TMCO5A: variants seen among roughly 807,000 people sequenced by gnomAD.
The protein encoded by TMCO5A is transmembrane and coiled-coil domain-containing protein 5A.
In TMCO5A, 34 loss-of-function variants were observed where a neutral mutation model predicts 42.3. That is an observed-to-expected ratio of 0.80 (90% CI 0.61 to 1.07). TMCO5A has a LOEUF of 1.07. Among genes scored for constraint, TMCO5A ranks in the 50% least tolerant of loss-of-function variants. The probability of loss-of-function intolerance (pLI) is 0.00; values close to 1 mark genes in which losing one functional copy is unlikely to be tolerated. For missense variants in TMCO5A, 357 were observed against 327.9 expected (o/e 1.09, Z -0.69); for synonymous variants, 131 against 115.6 (o/e 1.13, Z -0.86).
At chr15:38,033,649 G>C in the TMCO5A span, among the ~76,000 whole-genome samples, 2 of 151,496 alleles carry the variant, frequency 1.3e-5, no homozygotes, top group Non-Finnish European at 2.9e-5. Flanking sequence ...TTTTTAGAGA[G>C]AGAGTCTCGC....
the TMCO5A span, among the ~76,000 whole-genome samples, chr15:37,974,714 T>C: frequency 6.6e-6 from 1 of 152,278 alleles, no homozygotes; most frequent in East Asian, 1.9e-4. Flanking sequence ...TGTGTTGACC[T>C]TTTGTATGGT....
the TMCO5A span, among the ~76,000 whole-genome samples, chr15:38,016,369 T>C: frequency 6.6e-6 from 1 of 152,156 alleles, no homozygotes; most frequent in African/African-American, 2.4e-5. Flanking sequence ...AACCTGTCAG[T>C]GTAGCCACTG....
chr15:38,040,789 T>C, the TMCO5A span: 5 of 152,170 alleles, frequency 3.3e-5, no homozygotes, highest in African/African-American at 1.2e-4. Context: ...TGCCAAGGGC[T>C]GTGGGAAGGG....
chr15:38,005,051 C>T, the TMCO5A span, among the ~76,000 whole-genome samples: 35,794 of 151,856 alleles, frequency 0.24, 9,924 homozygotes, highest in African/African-American at 0.67. Flanking sequence ...TAACAGAGTA[C>T]AGGTCTGTTT....
the TMCO5A span, among the ~76,000 whole-genome samples, chr15:37,974,099 C>T: frequency 6.6e-6 from 1 of 152,150 alleles, no homozygotes; most frequent in African/African-American, 2.4e-5. Context: ...CCTTGCATCC[C>T]AGAGATTAAT....
chr15:38,011,140 A>G, the TMCO5A span, among the ~76,000 whole-genome samples: 1 of 152,216 alleles, frequency 6.6e-6, no homozygotes, highest in African/African-American at 2.4e-5. Context: ...ACCTGGGCAC[A>G]GCTTAGTTTG....
downstream of TMCO5A, among the ~76,000 whole-genome samples, chr15:37,953,332 G>A (rs983190057): frequency 2.0e-5 from 3 of 152,174 alleles, no homozygotes; most frequent in Non-Finnish European, 4.4e-5. Flanking sequence ...AGAGGTACTT[G>A]TGTTACACCA....
the TMCO5A span, among the ~76,000 whole-genome samples, chr15:38,021,310 C>A: frequency 6.6e-6 from 1 of 152,194 alleles, no homozygotes; most frequent in Non-Finnish European, 1.5e-5. Flanking sequence ...CACTAAGTTT[C>A]CAGTTGCTTA....
intron 11 of TMCO5A, among the ~76,000 whole-genome samples, chr15:37,948,603 T>C (rs1890046825): frequency 6.6e-6 from 1 of 152,110 alleles, no homozygotes; most frequent in African/African-American, 2.4e-5. Flanking sequence ...TGGAATTGAC[T>C]GTGTGGATTT....
intron 11 of TMCO5A, among the ~76,000 whole-genome samples, chr15:37,948,158 T>C (rs1028283431): frequency 2.2e-4 from 33 of 152,014 alleles, no homozygotes; most frequent in African/African-American, 7.7e-4. Context: ...ATCCAACACA[T>C]AATGGTTGCT....
At chr15:37,960,273 A>T (rs1890390106) in intron 11 of TMCO5A, among the ~76,000 whole-genome samples, 1 of 152,108 alleles carries the variant, frequency 6.6e-6, no homozygotes, top group Non-Finnish European at 1.5e-5. Flanking sequence ...TATCAGTAAT[A>T]ACATATGATG....
chr15:38,030,087 G>T, the TMCO5A span, among the ~76,000 whole-genome samples: 1 of 152,134 alleles, frequency 6.6e-6, no homozygotes, highest in Non-Finnish European at 1.5e-5. Context: ...TCCATGGTAA[G>T]GAGTCTTTTA....
chr15:38,016,204 G>T, the TMCO5A span, among the ~76,000 whole-genome samples: 1 of 152,102 alleles, frequency 6.6e-6, no homozygotes, highest in African/African-American at 2.4e-5. Context: ...GCTCAATGTT[G>T]CTGTGAACCT....
chr15:38,037,628 AT>A, the TMCO5A span, among the ~76,000 whole-genome samples: 1 of 152,182 alleles, frequency 6.6e-6, no homozygotes. Context: ...AGAACTAGAG[AT>A]GTGGGCAATG....
chr15:37,947,772 C>A, intron 11 of TMCO5A, 76 bp downstream of exon 11: 1 of 994,812 alleles, frequency 1.0e-6, no homozygotes, highest in Non-Finnish European at 1.6e-6. Context: ...AGGGAAAAGT[C>A]TAGACAAGGA....
At chr15:38,022,740 G>A in the TMCO5A span, among the ~76,000 whole-genome samples, 1 of 152,070 alleles carries the variant, frequency 6.6e-6, no homozygotes, top group Admixed American at 6.6e-5. Flanking sequence ...AATGGGGGAG[G>A]TTATGCATAT....
rs1233954085 is a variant in TMCO5A, at chr15:37,947,700, A to G, written c.668+4A>G. 1 of 1,588,842 alleles carries G rather than the reference A, an allele frequency of 6.3e-7. No homozygotes were observed. Among genetic ancestry groups the G allele is most frequent in the Non-Finnish European group, 8.6e-7 (1 of 1,161,300 alleles). On this transcript the variant is annotated splice_donor_region_variant and intron_variant, in intron 11 of 11. Coordinates refer to ENST00000319669, the MANE Select transcript of TMCO5A (RefSeq NM_152453.4). ...CAGCAAGATTATTCAGTAAAAAGTA[A>G]GTAAAATATCTTCAGGTAAACTTCC...
chr15:37,946,682 G>A (rs1406501124), intron 10 of TMCO5A, among the ~76,000 whole-genome samples: 1 of 152,088 alleles, frequency 6.6e-6, no homozygotes, highest in Non-Finnish European at 1.5e-5. Flanking sequence ...TGGTGTATAG[G>A]AATGCTGTGA....
chr15:37,999,458 G>A, the TMCO5A span, among the ~76,000 whole-genome samples: 5 of 152,218 alleles, frequency 3.3e-5, no homozygotes, highest in Admixed American at 3.3e-4. Context: ...CCAAATATGA[G>A]ATTACATTAT....
Sources: allele counts gnomAD v4.1 joint callset (sites outside exome capture counted in the v4.1 genomes callset), GRCh38; gene constraint gnomAD v4.1.1; transcripts MANE v1.5; gene names NCBI Gene and HGNC (gene_info 2026-07-23, HGNC 2026-07-21).